ABI1: variants seen among roughly 807,000 people sequenced by gnomAD.
The protein encoded by ABI1 is abl interactor 1, also known as Abelson interactor 1.
In ABI1, 14 loss-of-function variants were observed where a neutral mutation model predicts 54.6. The ratio of observed to expected loss-of-function variants is 0.26; its 90% CI spans 0.17 to 0.40. The LOEUF is 0.40. Ranked by LOEUF, ABI1 falls within the 10% of genes least tolerant of loss-of-function variation. The pLI is 1.00. For synonymous variants in ABI1, 194 were observed against 209.3 expected (o/e 0.93, Z 0.63); for missense variants, 443 against 598.3 (o/e 0.74, Z 2.71).
At chr10:26,783,163 T>C (rs1053383791) in intron 2 of ABI1, among the ~76,000 whole-genome samples, 1 of 152,174 alleles carries the variant, frequency 6.6e-6, no homozygotes, top group Non-Finnish European at 1.5e-5. Flanking sequence ...ACAATATGGA[T>C]GAACCTTGAG....
chr10:26,748,310 G>A lies in ABI1; in HGVS notation c.*260C>T, dbSNP rs1318115579. On this transcript the variant is annotated 3_prime_UTR_variant, in exon 11 of 11. Coordinates refer to ENST00000376140, the MANE Select transcript of ABI1 (RefSeq NM_001012750.3). ...ACCCCACTTCCCCCAGAATATTTAG[G>A]CTGGTCATAAAGTTAAAAATGTGTA... is the stretch of plus-strand genomic sequence containing the variant. 3.1e-6 allele frequency: 1 copy of A among 322,246 alleles called. No homozygotes were observed. The highest frequency in any genetic ancestry group is 5.7e-6 in the Non-Finnish European group (1 of 173,986). 20.0% of individuals were successfully genotyped at this position (322,246 alleles called of 1,614,324 possible).
chr10:26,802,592 G>C (rs1316831459), intron 2 of ABI1, among the ~76,000 whole-genome samples: 1 of 152,134 alleles, frequency 6.6e-6, no homozygotes, highest in African/African-American at 2.4e-5. Context: ...TACAAAGGAA[G>C]TAAACACAAT....
intron 2 of ABI1, among the ~76,000 whole-genome samples, chr10:26,784,930 T>C (rs2133066551): frequency 6.6e-6 from 1 of 152,182 alleles, no homozygotes; most frequent in South Asian, 2.1e-4. Context: ...GGGCCAAGAG[T>C]AAAGTCAGCA....
At position 26,843,386 on chromosome 10, in the gene ABI1, G is replaced by A. The variant is rs180994754; in HGVS notation, c.117+17361C>T. On this transcript the variant is annotated intron_variant, in intron 1 of 10. Transcript: ENST00000376140. Reference sequence around the variant, plus strand: ...GGAGAATCGCTTGAACCTTGGAGGCGGAGGTTGTAGTGAGCTGAGATCATG... The same window carrying A: ...GGAGAATCGCTTGAACCTTGGAGGCAGAGGTTGTAGTGAGCTGAGATCATG... 9.3e-5 allele frequency among the ~76,000 whole-genome samples: 13 copies of A among 139,734 alleles called. No homozygotes were observed. The East Asian group carries it at 1.8e-3, about 19-fold the overall frequency. 91.7% of individuals were successfully genotyped at this position (139,734 alleles called of 152,430 possible).
At chr10:26,798,216 G>T (rs1844435881) in intron 2 of ABI1, among the ~76,000 whole-genome samples, 1 of 152,042 alleles carries the variant, frequency 6.6e-6, no homozygotes, top group African/African-American at 2.4e-5. Flanking sequence ...AATACCCTTT[G>T]GGCTTGCTGA....
At chr10:26,826,372 A>T (rs2048305727) in intron 1 of ABI1, among the ~76,000 whole-genome samples, 1 of 152,224 alleles carries the variant, frequency 6.6e-6, no homozygotes, top group African/African-American at 2.4e-5. Context: ...AGATTCCATA[A>T]ACCATGCTGT....
intron 1 of ABI1, among the ~76,000 whole-genome samples, chr10:26,843,083 T>C (rs140014747): frequency 0.011 from 1,675 of 151,936 alleles, 124 homozygotes; most frequent in Admixed American, 0.097. Flanking sequence ...AGCCACAAGT[T>C]TGGCTCTGGC....
At position 26,860,110 on chromosome 10, in the gene ABI1, C is replaced by T. The variant is rs1248664337; in HGVS notation, c.117+637G>A. ...AACGCCCTCCCTCACTCCCCACACC[C>T]GCTTCCTCCTCTCCTCCGGGAGGTC... is the stretch of plus-strand genomic sequence containing the variant. On this transcript the variant is annotated intron_variant, in intron 1 of 10. Coordinates refer to ENST00000376140, the MANE Select transcript of ABI1 (RefSeq NM_001012750.3). The surrounding 1 kb of genome is among the most constrained non-coding windows in gnomAD (Gnocchi z 4.1). Among the ~76,000 whole-genome samples, 3 of 152,158 alleles carry T rather than the reference C, an allele frequency of 2.0e-5. No individual in the cohort carries two copies. The highest frequency in any genetic ancestry group is 4.8e-5 in the African/African-American group (2 of 41,430).
intron 1 of ABI1, among the ~76,000 whole-genome samples, chr10:26,826,040 C>T (rs1588995826): frequency 6.6e-6 from 1 of 152,226 alleles, no homozygotes; most frequent in Admixed American, 6.5e-5. Context: ...TTCTGACCTC[C>T]TCCCATGAAT....
intron 2 of ABI1, among the ~76,000 whole-genome samples, chr10:26,801,320 G>A (rs1350813035): frequency 2.6e-5 from 4 of 152,138 alleles, no homozygotes; most frequent in Non-Finnish European, 5.9e-5. Flanking sequence ...GCCAAGGCAG[G>A]CGGATCACTT....
intron 2 of ABI1, among the ~76,000 whole-genome samples, chr10:26,801,219 G>C (rs983717519): frequency 6.6e-6 from 1 of 152,078 alleles, no homozygotes; most frequent in African/African-American, 2.4e-5. Flanking sequence ...AGCGTAATAC[G>C]GTGATGCAGT....
At position 26,860,165 on chromosome 10, in the gene ABI1, TTAAA is replaced by T. The variant is rs1176064648; in HGVS notation, c.117+578_117+581del. Among the ~76,000 whole-genome samples, 3 of 151,994 alleles carry T rather than the reference TTAAA, an allele frequency of 2.0e-5. No homozygotes were observed. Among genetic ancestry groups the T allele is most frequent in the African/African-American group, 4.8e-5 (2 of 41,372 alleles). Reference sequence around the variant, plus strand: ...TAATGTGACTCATGACAAATTTTTTTTAAATAAATAAATAAATAAAAGACACACC... The same window carrying T: ...TAATGTGACTCATGACAAATTTTTTTTAAATAAATAAATAAAAGACACACC... On this transcript the variant is annotated intron_variant, in intron 1 of 10. Transcript: ENST00000376140. The surrounding 1 kb of genome is among the most constrained non-coding windows in gnomAD (Gnocchi z 4.1).
chr10:26,811,752 TGC>T, intron 2 of ABI1, among the ~76,000 whole-genome samples: 1 of 10,806 alleles, frequency 9.3e-5, no homozygotes. Context: ...TATAAATTTA[TGC>T]AAAGATTTGT....
At chr10:26,775,045 A>G (rs1841209978) in intron 3 of ABI1, among the ~76,000 whole-genome samples, 1 of 152,152 alleles carries the variant, frequency 6.6e-6, no homozygotes, top group African/African-American at 2.4e-5. Context: ...GCAATGTCTC[A>G]CTATCCTCAA....
At chr10:26,834,546 AAAACAC>A (rs1336612410) in intron 1 of ABI1, among the ~76,000 whole-genome samples, 1 of 108,286 alleles carries the variant, frequency 9.2e-6, no homozygotes, top group Non-Finnish European at 1.9e-5. Context: ...CAAGACATAC[AAAACAC>A]ACACACACAC....
At chr10:26,839,239 G>A (rs1279199998) in intron 1 of ABI1, among the ~76,000 whole-genome samples, 1 of 152,170 alleles carries the variant, frequency 6.6e-6, no homozygotes, top group Non-Finnish European at 1.5e-5. Context: ...GCTGACACCT[G>A]TAATCCCAGC....
intron 1 of ABI1, among the ~76,000 whole-genome samples, chr10:26,857,848 C>CAAAAAA (rs1168285053): frequency 2.0e-5 from 2 of 100,194 alleles, no homozygotes; most frequent in Admixed American, 1.0e-4. Context: ...AAGTCTGTCT[C>CAAAAAA]AAAAAAAAAA....
At chr10:26,781,168 T>C (rs559892553) in intron 2 of ABI1, among the ~76,000 whole-genome samples, 45 of 152,342 alleles carry the variant, frequency 3.0e-4, no homozygotes, top group South Asian at 1.7e-3. Context: ...TGGGTTTGGA[T>C]TCAATGCCTC....
At chr10:26,829,372 A>C (rs2048519714) in intron 1 of ABI1, among the ~76,000 whole-genome samples, 1 of 152,192 alleles carries the variant, frequency 6.6e-6, no homozygotes, top group Admixed American at 6.5e-5. Context: ...ATGCACCTAA[A>C]ACAGGCTGTG....
Sources: allele counts gnomAD v4.1 joint callset (sites outside exome capture counted in the v4.1 genomes callset), GRCh38; gene constraint gnomAD v4.1.1; non-coding constraint Gnocchi (gnomAD v3.1); transcripts MANE v1.5; gene names NCBI Gene and HGNC (gene_info 2026-07-23, HGNC 2026-07-21).